The following SCTR variants were observed in gnomAD, a reference collection of about 807,000 sequenced individuals.
SCTR encodes the protein secretin receptor.
SCTR carries 56 observed loss-of-function variants against 60.8 expected under a neutral mutation model. That is an observed-to-expected ratio of 0.92 (90% confidence interval 0.74 to 1.15). The LOEUF is 1.15. SCTR is among the 50% of genes most tolerant of loss of function. The probability of loss-of-function intolerance (pLI) is 0.00; values close to 1 mark genes in which losing one functional copy is unlikely to be tolerated. For synonymous variants in SCTR, 202 were observed against 217.0 expected (o/e 0.93, Z 0.61); for missense variants, 562 against 550.4 (o/e 1.02, Z -0.21).
intron 3 of SCTR, among the ~76,000 whole-genome samples, chr2:119,476,140 G>A (rs1272323649): frequency 6.6e-6 from 1 of 152,176 alleles, no homozygotes; most frequent in East Asian, 1.9e-4. Flanking sequence ...CGCTCCCCCT[G>A]GGGTTAGGGT....
At chr2:119,464,883 G>A (rs1315972365) in intron 5 of SCTR, among the ~76,000 whole-genome samples, 3 of 152,178 alleles carry the variant, frequency 2.0e-5, no homozygotes, top group South Asian at 2.1e-4. Context: ...CACAGGCTGC[G>A]GGGAGAAAGC....
chr2:119,498,466 T>C (rs1191311035), intron 1 of SCTR, among the ~76,000 whole-genome samples: 1 of 152,178 alleles, frequency 6.6e-6, no homozygotes, highest in African/African-American at 2.4e-5. Context: ...GTAAATGCGA[T>C]AGGTTTTCCT....
intron 2 of SCTR, 64 bp from the exon 3 acceptor site, chr2:119,478,982 T>C (rs1056949742): frequency 6.2e-7 from 1 of 1,600,230 alleles, no homozygotes; most frequent in African/African-American, 1.3e-5. Flanking sequence ...TACCATCCTG[T>C]CCACATCACC....
chr2:119,500,046 A>G (rs1389423462), intron 1 of SCTR, among the ~76,000 whole-genome samples: 1 of 152,210 alleles, frequency 6.6e-6, no homozygotes, highest in Non-Finnish European at 1.5e-5. Flanking sequence ...AAAGGACTAA[A>G]TAGACTTTTC....
At chr2:119,513,088 A>G (rs937671783) in intron 1 of SCTR, among the ~76,000 whole-genome samples, 11 of 152,318 alleles carry the variant, frequency 7.2e-5, no homozygotes, top group African/African-American at 9.6e-5. Flanking sequence ...GAGGGAGCCC[A>G]CTGCTGGGGT....
chr2:119,494,422 T>C lies in SCTR; in HGVS notation c.193+6A>G. 6.2e-7 allele frequency: 1 copy of C among 1,613,304 alleles called. No homozygotes were observed. Among genetic ancestry groups the C allele is most frequent in the African/African-American group, 1.3e-5 (1 of 74,996 alleles). ...GAGAGGACATGGGCTGTGGCAAGCC[T>C]CATACCTGGCACTGGCTGCTCCGTG... On this transcript the variant is annotated splice_donor_region_variant and intron_variant, in intron 2 of 12. Transcript: ENST00000019103.
chr2:119,497,244 C>G (rs958144611), intron 1 of SCTR, among the ~76,000 whole-genome samples: 1 of 151,992 alleles, frequency 6.6e-6, no homozygotes, highest in Non-Finnish European at 1.5e-5. Flanking sequence ...TCACTAGGCT[C>G]CTCCCCCACT....
chr2:119,485,703 T>C (rs1677835760), intron 2 of SCTR: 1 of 152,546 alleles, frequency 6.6e-6, no homozygotes, highest in South Asian at 2.1e-4. Flanking sequence ...AGCTCCTCTT[T>C]GTCTTGGCCT....
At chr2:119,454,748 G>C (rs1471408353) in intron 7 of SCTR, among the ~76,000 whole-genome samples, 1 of 152,036 alleles carries the variant, frequency 6.6e-6, no homozygotes. Context: ...CAGCTACTCG[G>C]GAGGCTGAGG....
chr2:119,471,316 A>G (rs1677001443), intron 4 of SCTR, among the ~76,000 whole-genome samples: 1 of 151,898 alleles, frequency 6.6e-6, no homozygotes, highest in Admixed American at 6.5e-5. Flanking sequence ...CTCTCTTCAT[A>G]TAAGTCGATG....
chr2:119,495,156 T>C (rs1678297671), intron 1 of SCTR, among the ~76,000 whole-genome samples: 1 of 152,016 alleles, frequency 6.6e-6, no homozygotes, highest in Non-Finnish European at 1.5e-5. Context: ...CACAGATATA[T>C]ATACACACAC....
At chr2:119,521,727 G>C (rs1434462371) in intron 1 of SCTR, among the ~76,000 whole-genome samples, 1 of 152,038 alleles carries the variant, frequency 6.6e-6, no homozygotes, top group Non-Finnish European at 1.5e-5. Flanking sequence ...TCCCTCAAGG[G>C]GGAGCTTCAA....
Position 119,524,341 on chromosome 2 carries a change from G to C in SCTR, c.-115C>G, listed in dbSNP as rs552623088. 5,477 of 644,800 alleles carry C rather than the reference G, an allele frequency of 8.5e-3. 32 individuals carry two copies. Among genetic ancestry groups the C allele is most frequent in the Non-Finnish European group, 0.011 (4,760 of 433,592 alleles). The allele number at this position is 644,800 out of a possible 1,614,324, so 39.9% of individuals were successfully genotyped here. A position where few individuals can be genotyped will look rare whatever the true frequency, so the allele number is the denominator to read the frequency against. On this transcript the variant is annotated 5_prime_UTR_variant, in exon 1 of 13. Transcript: ENST00000019103. ...GGGCTCCGGCCGGCCGCTGCGCCCCGAGGAGCCATGGCTGAGCCACCCGAC... is the reference window on the plus strand; with the variant it reads ...GGGCTCCGGCCGGCCGCTGCGCCCCCAGGAGCCATGGCTGAGCCACCCGAC...
intron 6 of SCTR, 93 bp downstream of exon 6, chr2:119,464,030 G>T (rs1211749609): frequency 3.0e-6 from 4 of 1,352,012 alleles, no homozygotes; most frequent in African/African-American, 1.4e-5. Context: ...GCAGGGGCTT[G>T]GGGGAAGGAC....
At chr2:119,496,800 A>G (rs964579630) in intron 1 of SCTR, among the ~76,000 whole-genome samples, 2 of 152,188 alleles carry the variant, frequency 1.3e-5, no homozygotes, top group African/African-American at 4.8e-5. Context: ...ACTCCTGCCA[A>G]CCACCACAGA....
At chr2:119,474,994 T>C (rs1324072710) in intron 3 of SCTR, among the ~76,000 whole-genome samples, 1 of 152,218 alleles carries the variant, frequency 6.6e-6, no homozygotes, top group Non-Finnish European at 1.5e-5. Flanking sequence ...CATTTCTCTG[T>C]GCCACAAAAT....
At chr2:119,482,018 C>T (rs1410613583) in intron 2 of SCTR, among the ~76,000 whole-genome samples, 4 of 152,166 alleles carry the variant, frequency 2.6e-5, no homozygotes, top group Admixed American at 1.3e-4. Flanking sequence ...ACTTTATAAA[C>T]GCAGCAATCA....
At chr2:119,495,165 A>C (rs960465340) in intron 1 of SCTR, among the ~76,000 whole-genome samples, 8 of 152,102 alleles carry the variant, frequency 5.3e-5, no homozygotes, top group African/African-American at 1.9e-4. Context: ...ATATACACAC[A>C]CATAAAAGAG....
chr2:119,449,959 AGGAGGGAG>A, intron 9 of SCTR, among the ~76,000 whole-genome samples: 1 of 88,668 alleles, frequency 1.1e-5, no homozygotes, highest in Middle Eastern at 4.2e-3. Flanking sequence ...GAAGGAAGGA[AGGAGGGAG>A]GGAGGGAGGG....
Sources: allele counts gnomAD v4.1 joint callset (sites outside exome capture counted in the v4.1 genomes callset), GRCh38; gene constraint gnomAD v4.1.1; transcripts MANE v1.5; gene names NCBI Gene and HGNC (gene_info 2026-07-23, HGNC 2026-07-21).